The following SI variants were observed in gnomAD, a reference collection of about 807,000 sequenced individuals.
SI encodes the protein sucrase-isomaltase, intestinal.
SI carries 235 observed loss-of-function variants against 253.3 expected under a neutral mutation model. The observed-to-expected ratio is 0.93, with a 90% CI of 0.83 to 1.03. SI has a LOEUF of 1.03. Ranked by LOEUF, SI falls within the 50% of genes least tolerant of loss-of-function variation. The probability of loss-of-function intolerance (pLI) is 0.00; values close to 1 mark genes in which losing one functional copy is unlikely to be tolerated. For missense variants in SI, 2,442 were observed against 2,211.1 expected (o/e 1.10, Z -2.09); for synonymous variants, 819 against 712.0 (o/e 1.15, Z -2.39).
chr3:165,009,319 T>C lies in SI; in HGVS notation c.4139A>G (p.Asp1380Gly), dbSNP rs1468892440. 1 of 1,613,076 alleles carries C rather than the reference T, an allele frequency of 6.2e-7. No homozygotes were observed. The highest frequency in any genetic ancestry group is 8.5e-7 in the Non-Finnish European group (1 of 1,179,144). ...TAEWWAREIV[D>G]FYNEKMKFDG... ...AAACTTCATCTTTTCATTGTAAAAG[T>C]CCACAATTTCTCTGGCCCACCACTC... Residue 1380 changes from aspartate to glycine, a missense_variant, in exon 35 of 48, where the codon GAC becomes GGC. By Grantham distance (94) the Asp-to-Gly change is moderately conservative (BLOSUM62 -1). Transcript: ENST00000264382.
chr3:165,021,363 C>T lies in SI; in HGVS notation c.3120G>A (p.Lys1040=), dbSNP rs908730367. The T allele has an allele frequency of 6.2e-7, 1 of 1,610,162 alleles. No homozygotes were observed. The highest frequency in any genetic ancestry group is 8.5e-7 in the Non-Finnish European group (1 of 1,177,328). ...TTAACGGTACTGGTACTTCATATCT[C>T]TTCTTTTGGGGATCATAAATCTATT... ...LQFKIYDPQK[K]RYEVPVPLNI... is the part of the protein sequence containing the mutation. Residue 1040 remains lysine, a synonymous_variant, in exon 27 of 48, where the codon AAG becomes AAA. Coordinates refer to ENST00000264382, the MANE Select transcript of SI (RefSeq NM_001041.4).
intron 41 of SI, among the ~76,000 whole-genome samples, chr3:164,993,167 G>C (rs1717852717): frequency 1.3e-5 from 2 of 151,724 alleles, no homozygotes; most frequent in South Asian, 4.1e-4. Flanking sequence ...ACAACAGTCT[G>C]TATAGTTAAT....
intron 25 of SI, among the ~76,000 whole-genome samples, chr3:165,027,875 G>T (rs1712011562): frequency 6.6e-6 from 1 of 151,456 alleles, no homozygotes; most frequent in Non-Finnish European, 1.5e-5. Context: ...TCTGAGAACT[G>T]GAACAAGACA....
chr3:164,997,909 C>T (rs956168026), intron 38 of SI, among the ~76,000 whole-genome samples: 5 of 151,636 alleles, frequency 3.3e-5, no homozygotes, highest in African/African-American at 1.2e-4. Flanking sequence ...TAGGCTGATT[C>T]CATGTCTTTG....
intron 44 of SI, among the ~76,000 whole-genome samples, chr3:164,989,938 G>T (rs1457827708): frequency 2.0e-5 from 3 of 152,132 alleles, no homozygotes; most frequent in African/African-American, 4.8e-5. Flanking sequence ...CAATGAATAG[G>T]TGGCACACAA....
chr3:165,011,336 A>C (rs1718758587), intron 34 of SI, among the ~76,000 whole-genome samples: 1 of 152,046 alleles, frequency 6.6e-6, no homozygotes, highest in Non-Finnish European at 1.5e-5. Context: ...AAATTTTCTA[A>C]TTCTCTTTTG....
intron 25 of SI, among the ~76,000 whole-genome samples, chr3:165,026,440 A>G (rs1449868185): frequency 2.6e-5 from 4 of 151,416 alleles, no homozygotes; most frequent in Non-Finnish European, 5.9e-5. Context: ...TGGAAAGTCA[A>G]CAAAGTAACA....
chr3:164,989,389 G>GAAGAAAGAAAGAAAGAAAGAAAGAAAGA (rs1184335609), intron 44 of SI, among the ~76,000 whole-genome samples: 2 of 59,428 alleles, frequency 3.4e-5, no homozygotes, highest in Admixed American at 4.4e-4. Context: ...AGAAAGAAAG[G>GAAGAAAGAAAGAAAGAAAGAAAGAAAGA]AAGAAAGAAA....
chr3:165,059,418 C>T (rs1254743031), intron 10 of SI, 119 bp from the exon 11 acceptor site: 10 of 991,788 alleles, frequency 1.0e-5, no homozygotes, highest in Middle Eastern at 2.9e-4. Context: ...AAATGAACGT[C>T]CATCCTTTTC....
intron 13 of SI, among the ~76,000 whole-genome samples, chr3:165,050,192 A>G (rs1560008362): frequency 6.6e-6 from 1 of 152,104 alleles, no homozygotes; most frequent in African/African-American, 2.4e-5. Context: ...GTCCATTAAT[A>G]TACACATTCC....
At chr3:165,022,294 A>C (rs1711664377) in intron 26 of SI, among the ~76,000 whole-genome samples, 1 of 150,934 alleles carries the variant, frequency 6.6e-6, no homozygotes, top group South Asian at 2.1e-4. Flanking sequence ...TACCTATGTC[A>C]CTTAACGCCT....
intron 28 of SI, 69 bp downstream of exon 28, chr3:165,019,533 T>C: frequency 1.4e-6 from 2 of 1,381,028 alleles, no homozygotes; most frequent in Admixed American, 3.4e-5. Flanking sequence ...CACAGGCCCA[T>C]AAAGAAGTGG....
chr3:165,017,705 A>T (rs758542141), intron 30 of SI, 32 bp from the exon 31 acceptor site: 3 of 1,608,458 alleles, frequency 1.9e-6, no homozygotes, highest in Non-Finnish European at 2.6e-6. Flanking sequence ...GAACTAAGAG[A>T]ATTACTTTAT....
At chr3:164,995,873 G>T (rs897480751) in intron 40 of SI, among the ~76,000 whole-genome samples, 5 of 151,560 alleles carry the variant, frequency 3.3e-5, no homozygotes, top group African/African-American at 1.2e-4. Context: ...TTTGAGCAAG[G>T]ACTTCGTAAA....
At chr3:165,031,222 T>C (rs1158612559) in intron 24 of SI, among the ~76,000 whole-genome samples, 1 of 149,928 alleles carries the variant, frequency 6.7e-6, no homozygotes, top group East Asian at 2.0e-4. Context: ...TAGATTTTCA[T>C]CTGCATAGCT....
chr3:165,024,933 A>C (rs1711826181), intron 25 of SI, among the ~76,000 whole-genome samples: 1 of 151,230 alleles, frequency 6.6e-6, no homozygotes. Context: ...CATGTTGCCA[A>C]ATCCACATGT....
intron 25 of SI, among the ~76,000 whole-genome samples, chr3:165,029,971 G>T (rs2108201084): frequency 6.6e-6 from 1 of 150,500 alleles, no homozygotes; most frequent in South Asian, 2.1e-4. Flanking sequence ...GAGAGAAATT[G>T]GGATAATTTC....
chr3:164,979,317 A>G lies in SI; in HGVS notation c.*45T>C. Reference sequence around the variant, plus strand: ...AAATTGTAAGTGCTGTGAAACTTAAATCCTGGTGTTTTTTCCCATTGACAA... The same window carrying G: ...AAATTGTAAGTGCTGTGAAACTTAAGTCCTGGTGTTTTTTCCCATTGACAA... On this transcript the variant is annotated 3_prime_UTR_variant, in exon 48 of 48. Coordinates refer to ENST00000264382, the MANE Select transcript of SI (RefSeq NM_001041.4). 1 of 1,118,476 alleles carries G rather than the reference A, an allele frequency of 8.9e-7. No homozygotes were observed. Among genetic ancestry groups the G allele is most frequent in the Non-Finnish European group, 1.4e-6 (1 of 731,882 alleles). The allele number at this position is 1,118,476 out of a possible 1,614,324, so 69.3% of individuals were successfully genotyped here. A position where few individuals can be genotyped will look rare whatever the true frequency, so the allele number is the denominator to read the frequency against.
rs201617311 is a variant in SI, at chr3:165,040,908, G to A, written c.2159+32C>T. 84 of 1,538,104 alleles carry A rather than the reference G, an allele frequency of 5.5e-5. 1 individual carries two copies. In the East Asian group the frequency reaches 7.5e-4, roughly 14 times the overall value. On this transcript the variant is annotated intron_variant, in intron 18 of 47. Transcript: ENST00000264382. ...TGTATGTTTGAACATACTTTAAAAG[G>A]TATTATTATAATTATTGTACGTAGT...
Sources: allele counts gnomAD v4.1 joint callset (sites outside exome capture counted in the v4.1 genomes callset), GRCh38; gene constraint gnomAD v4.1.1; transcripts MANE v1.5; gene names NCBI Gene and HGNC (gene_info 2026-07-23, HGNC 2026-07-21).